The following PAN3 variants were observed in gnomAD, a reference collection of about 807,000 sequenced individuals.
PAN3 encodes the protein PAN2-PAN3 deadenylation complex subunit PAN3.
Under a neutral mutation model 96.2 loss-of-function variants are expected in PAN3, and 19 were observed. That is an observed-to-expected ratio of 0.20 (90% CI 0.14 to 0.29). The LOEUF is 0.29. Among genes scored for constraint, PAN3 ranks in the 10% least tolerant of loss-of-function variants. The pLI is 1.00. For missense variants in PAN3, 882 were observed against 1,108.1 expected (o/e 0.80, Z 2.90); for synonymous variants, 433 against 406.6 (o/e 1.06, Z -0.78).
intron 5 of PAN3, among the ~76,000 whole-genome samples, chr13:28,214,088 C>T (rs757007010): frequency 1.3e-5 from 2 of 150,456 alleles, no homozygotes; most frequent in African/African-American, 4.9e-5. Flanking sequence ...ACCCTGTCTC[C>T]AAAAGAAAAA....
At chr13:28,272,846 G>A (rs1886744176) in intron 14 of PAN3, among the ~76,000 whole-genome samples, 1 of 152,152 alleles carries the variant, frequency 6.6e-6, no homozygotes. Flanking sequence ...TGGGATTACA[G>A]GCATGAGCCA....
Position 28,197,362 on chromosome 13 carries a change from A to G in PAN3, c.852+16A>G, listed in dbSNP as rs1878183311. On this transcript the variant is annotated intron_variant, in intron 5 of 18. Coordinates refer to ENST00000380958, the MANE Select transcript of PAN3 (RefSeq NM_175854.8). The stretch of plus-strand genomic sequence containing the variant: ...CAATTTACAGGTAAAAATAATTTTT[A>G]TTAGACATTTCTTGAAAGTGAATGT... 4 of 1,556,862 alleles carry G rather than the reference A, an allele frequency of 2.6e-6. No individual in the cohort carries two copies. Among genetic ancestry groups the G allele is most frequent in the East Asian group, 2.4e-5 (1 of 41,802 alleles).
At position 28,217,615 on chromosome 13, in the gene PAN3, G is replaced by A. The variant is rs748677470; in HGVS notation, c.853-2616G>A. Among the ~76,000 whole-genome samples the A allele has an allele frequency of 3.3e-5, 5 of 151,788 alleles. No individual in the cohort carries two copies. The South Asian group carries it at 1.0e-3, about 32-fold the overall frequency. ...AAAAAAAACAAAAAAAAAATTGTGGGGTAAATTTGAGTGTATGAGAATCTT... is the reference window on the plus strand; with the variant it reads ...AAAAAAAACAAAAAAAAAATTGTGGAGTAAATTTGAGTGTATGAGAATCTT... On this transcript the variant is annotated intron_variant, in intron 5 of 18. Transcript: ENST00000380958.
Position 28,220,243 on chromosome 13 carries a change from A to G in PAN3, c.865A>G (p.Thr289Ala). The change falls in exon 6 of 19, where the codon ACT becomes GCT. Residue 289 changes from threonine (T) to alanine (A), a missense_variant. This residue lies in a region of PAN3 where 442 missense variants were observed against 422.8 expected (regional missense o/e 1.05). Coordinates refer to ENST00000380958, the MANE Select transcript of PAN3 (RefSeq NM_175854.8). Reference sequence around the variant, plus strand: ...GATTTTTAAATAGACACCAAATCCTACTGCAAGCGAGTTTATTCCTAAAGG... The same window carrying G: ...GATTTTTAAATAGACACCAAATCCTGCTGCAAGCGAGTTTATTCCTAAAGG... Reference protein sequence around the residue: ...TENNLQTPNPTASEFIPKGGS... With the variant: ...TENNLQTPNPAASEFIPKGGS... 2 of 1,612,842 alleles carry G rather than the reference A, an allele frequency of 1.2e-6. No individual in the cohort carries two copies. Among genetic ancestry groups the G allele is most frequent in the Non-Finnish European group, 1.7e-6 (2 of 1,179,298 alleles).
chr13:28,160,018 A>G (rs1294874056), intron 1 of PAN3, among the ~76,000 whole-genome samples: 3 of 151,672 alleles, frequency 2.0e-5, no homozygotes, highest in African/African-American at 7.3e-5. Flanking sequence ...GCTCACTGCA[A>G]CCTCTGCCTC....
intron 1 of PAN3, among the ~76,000 whole-genome samples, chr13:28,172,587 A>G (rs1874448935): frequency 6.6e-6 from 1 of 152,166 alleles, no homozygotes; most frequent in Non-Finnish European, 1.5e-5. Flanking sequence ...GATTTTTCCC[A>G]GTCTTATTTT....
At chr13:28,163,317 G>GT (rs1273815092) in intron 1 of PAN3, among the ~76,000 whole-genome samples, 9 of 151,684 alleles carry the variant, frequency 5.9e-5, no homozygotes, top group Admixed American at 3.3e-4. Context: ...TCAAAAGGAA[G>GT]TTTTTTTTTC....
intron 6 of PAN3, among the ~76,000 whole-genome samples, chr13:28,243,860 T>C (rs9554290): frequency 0.46 from 70,223 of 151,952 alleles, 19,866 homozygotes; most frequent in Admixed American, 0.62. Context: ...AACTAACTTT[T>C]GTATTTTTAG....
chr13:28,283,054 C>T (rs919044757), intron 17 of PAN3, among the ~76,000 whole-genome samples: 3 of 151,860 alleles, frequency 2.0e-5, no homozygotes, highest in South Asian at 4.2e-4. Context: ...GAAAATTTTT[C>T]CTTTTTTTTT....
Position 28,267,368 on chromosome 13 carries a change from A to G in PAN3, c.1759A>G (p.Asn587Asp), listed in dbSNP as rs1389153091. Residue 587 changes from asparagine to aspartate, a missense_variant, in exon 12 of 19, where the codon AAT (asparagine) becomes GAT (aspartate). Around this residue, in one of 3 missense-constraint regions of PAN3, gnomAD observed 364 missense variants for 513.6 expected, o/e 0.71. Coordinates refer to ENST00000380958, the MANE Select transcript of PAN3 (RefSeq NM_175854.8). ...TMMSRHFNDP[N>D]ADAYFTKRKW... The stretch of plus-strand genomic sequence containing the variant: ...GATGAGCAGACACTTTAATGACCCT[A>G]ATGCTGATGCCTACTTCACCAAGAG... 1.1e-5 allele frequency: 17 copies of G among 1,613,606 alleles called. No homozygotes were observed. The highest frequency in any genetic ancestry group is 1.4e-5 in the Non-Finnish European group (16 of 1,179,738).
At chr13:28,260,576 G>T in intron 8 of PAN3, 25 bp downstream of exon 8, 1 of 1,542,270 alleles carries the variant, frequency 6.5e-7, no homozygotes, top group Non-Finnish European at 9.0e-7. Flanking sequence ...TTCATAGTAG[G>T]AATACTTAAT....
chr13:28,199,258 G>A (rs1416425673), intron 5 of PAN3, among the ~76,000 whole-genome samples: 6 of 152,002 alleles, frequency 3.9e-5, no homozygotes, highest in African/African-American at 1.2e-4. Flanking sequence ...ACTTACCAAT[G>A]CAGAGGTGTA....
chr13:28,151,716 T>A (rs1383770394), intron 1 of PAN3, among the ~76,000 whole-genome samples: 1 of 151,894 alleles, frequency 6.6e-6, no homozygotes, highest in East Asian at 1.9e-4. Flanking sequence ...GAGAGAGGAG[T>A]CAAGGGTTTG....
chr13:28,164,917 T>C (rs1466408020), intron 1 of PAN3, among the ~76,000 whole-genome samples: 1 of 151,222 alleles, frequency 6.6e-6, no homozygotes, highest in Non-Finnish European at 1.5e-5. Flanking sequence ...GAGAAGTTCT[T>C]ATTTTTTTTT....
intron 6 of PAN3, among the ~76,000 whole-genome samples, chr13:28,254,018 A>G (rs1440506982): frequency 6.6e-6 from 1 of 152,068 alleles, no homozygotes; most frequent in Non-Finnish European, 1.5e-5. Flanking sequence ...TCTCACTTAC[A>G]TACCTACTTT....
chr13:28,291,403 T>C (rs1869729455), intron 18 of PAN3, among the ~76,000 whole-genome samples: 1 of 152,188 alleles, frequency 6.6e-6, no homozygotes, highest in Non-Finnish European at 1.5e-5. Flanking sequence ...TGAGTAAAGA[T>C]CATATACTAG....
At chr13:28,175,121 A>G (rs924071907) in intron 2 of PAN3, among the ~76,000 whole-genome samples, 5 of 152,194 alleles carry the variant, frequency 3.3e-5, no homozygotes, top group Admixed American at 3.3e-4. Flanking sequence ...TTTTAATTGG[A>G]AAACTGCCAT....
intron 4 of PAN3, among the ~76,000 whole-genome samples, chr13:28,188,172 T>C (rs994769783): frequency 2.0e-5 from 3 of 152,200 alleles, no homozygotes; most frequent in Non-Finnish European, 4.4e-5. Flanking sequence ...CTCCTGACAC[T>C]CCTAAGGGTC....
At chr13:28,143,318 A>G (rs1314710537) in intron 1 of PAN3, among the ~76,000 whole-genome samples, 1 of 152,204 alleles carries the variant, frequency 6.6e-6, no homozygotes, top group Non-Finnish European at 1.5e-5. Context: ...TTTGATTTGT[A>G]TTCAACTGCA....
Sources: gnomAD v4.1 joint callset for allele counts (sites outside exome capture counted in the v4.1 genomes callset) on GRCh38, gnomAD v4.1.1 for gene constraint, gnomAD v4.1.1 regional missense constraint, MANE v1.5 for transcripts, NCBI Gene and HGNC (gene_info 2026-07-23, HGNC 2026-07-21) for gene names.